CCNB3: variants seen among roughly 807,000 people sequenced by gnomAD.
CCNB3 encodes cyclin B3, also known as G2/mitotic-specific cyclin-B3.
A neutral mutation model predicts 68.0 loss-of-function variants in CCNB3; 12 were observed. That is an observed-to-expected ratio of 0.18 (90% CI 0.11 to 0.29). The LOEUF (loss-of-function observed/expected upper bound fraction) is 0.29, where lower values mean the gene tolerates loss of function less well. Ranked by LOEUF, CCNB3 falls within the 10% of genes least tolerant of loss-of-function variation. CCNB3 has a pLI of 1.00. For missense variants in CCNB3, 904 were observed against 993.1 expected, an observed-to-expected ratio of 0.91 and a Z score of 1.21; for synonymous variants, 354 against 388.9, an observed-to-expected ratio of 0.91 and a Z score of 1.06.
intron 1 of CCNB3, among the ~76,000 whole-genome samples, chrX:50,226,435 A>G (rs1424696470): frequency 1.6e-4 from 10 of 63,435 alleles, no homozygotes; most frequent in African/African-American, 5.8e-4. Flanking sequence ...GAATATATAA[A>G]AATATATATA....
rs1297586005 is a variant in CCNB3 at position 50,351,877 on chromosome X, C to T, written c.*174C>T. ...AAAGAAAAAATATTGTCATATTTGA[C>T]TACAAATTTAATAAAAAATTAATGG... On this transcript the variant is annotated 3_prime_UTR_variant, in exon 13 of 13. Coordinates refer to ENST00000376042, the MANE Select transcript of CCNB3 (RefSeq NM_033031.3). 5.3e-6 allele frequency: 2 copies of T among 379,026 alleles called. No homozygotes were observed. The highest frequency in any genetic ancestry group is 8.9e-6 in the Non-Finnish European group (2 of 224,885). 31.2% of individuals were successfully genotyped at this position (379,026 alleles called of 1,213,427 possible). A position where few individuals can be genotyped will look rare whatever the true frequency, so the allele number is the denominator to read the frequency against.
intron 1 of CCNB3, among the ~76,000 whole-genome samples, chrX:50,228,920 T>A (rs1440469917): frequency 1.9e-5 from 1 of 53,958 alleles, no homozygotes; most frequent in East Asian, 5.3e-4. Context: ...AGAATATATA[T>A]AAATACATAT....
chrX:50,224,738 T>A (rs1935726558), intron 1 of CCNB3, among the ~76,000 whole-genome samples: 1 of 111,563 alleles, frequency 9.0e-6, no homozygotes, highest in Admixed American at 9.6e-5. Context: ...AAGATGCTCA[T>A]TTACTTAGTG....
chrX:50,341,214 C>T (rs982491891), intron 8 of CCNB3, among the ~76,000 whole-genome samples: 13 of 109,222 alleles, frequency 1.2e-4, no homozygotes, highest in East Asian at 2.9e-4. Flanking sequence ...CCTGTAGTCC[C>T]GGCTACCCGG....
In CCNB3 at chrX:50,226,212, T is replaced by TTATATATATAGAATATATATATATA. The variant is rs1935772608; in HGVS notation, c.-113+21284_-113+21285insATATATATATATAGAATATATATAT. 8.8e-4 allele frequency among the ~76,000 whole-genome samples: 54 copies of TTATATATATAGAATATATATATATA among 61,430 alleles called. 2 individuals carry two copies. The highest frequency in any genetic ancestry group is 9.4e-4 in the African/African-American group (11 of 11,739). 53.3% of individuals were successfully genotyped at this position (61,430 alleles called of 115,157 possible). ...ATAAATATATATAGAATATATATAT[T>TTATATATATAGAATATATATATATA]TATATATATAGAATATATATATTTA... On this transcript the variant is annotated intron_variant, in intron 1 of 12. Coordinates refer to ENST00000376042, the MANE Select transcript of CCNB3 (RefSeq NM_033031.3).
At position 50,342,311 on chromosome X, in the gene CCNB3, C is replaced by T; in HGVS notation, c.3626C>T (p.Thr1209Ile). ...GATAAGTTACAACTCCTTGGTGCCA[C>T]TGCCTTTATGATTGCAGCAAAATTT... ...KKDKLQLLGATAFMIAAKFEE... is the reference protein window; with the variant it reads ...KKDKLQLLGAIAFMIAAKFEE... Residue 1209 changes from threonine (T) to isoleucine (I), a missense_variant, in exon 9 of 13, where the codon ACT (threonine) becomes ATT (isoleucine). Physicochemically the swap from Thr to Ile is moderately conservative, Grantham distance 89. Coordinates refer to ENST00000376042, the MANE Select transcript of CCNB3 (RefSeq NM_033031.3). 6.6e-6 allele frequency: 8 copies of T among 1,203,686 alleles called. No homozygotes were observed. Among genetic ancestry groups the T allele is most frequent in the Non-Finnish European group, 9.0e-6 (8 of 891,691 alleles).
intron 8 of CCNB3, among the ~76,000 whole-genome samples, chrX:50,318,568 C>G (rs980753904): frequency 2.7e-5 from 3 of 112,098 alleles, no homozygotes; most frequent in Non-Finnish European, 5.6e-5. Flanking sequence ...ATTCTAGTTC[C>G]TTTGCCTTTC....
At chrX:50,299,464 G>C (rs1440774191) in intron 5 of CCNB3, among the ~76,000 whole-genome samples, 1 of 111,614 alleles carries the variant, frequency 9.0e-6, no homozygotes, top group African/African-American at 3.3e-5. Context: ...TCTTAATCCT[G>C]AGTTCTAGTT....
At chrX:50,339,783 C>A (rs1404869045) in intron 8 of CCNB3, among the ~76,000 whole-genome samples, 2 of 111,292 alleles carry the variant, frequency 1.8e-5, no homozygotes, top group African/African-American at 6.6e-5. Flanking sequence ...ATGGCAAAAG[C>A]AGGGGCAAGG....
intron 5 of CCNB3, among the ~76,000 whole-genome samples, chrX:50,300,530 T>A (rs1346590539): frequency 1.8e-5 from 2 of 111,944 alleles, no homozygotes; most frequent in East Asian, 5.6e-4. Context: ...CTTCCCTTTG[T>A]GGGTAACCCG....
At chrX:50,228,831 T>A (rs1366265019) in intron 1 of CCNB3, among the ~76,000 whole-genome samples, 1 of 63,567 alleles carries the variant, frequency 1.6e-5, no homozygotes, top group Non-Finnish European at 2.7e-5. Flanking sequence ...AGAATATATA[T>A]AGAATACATA....
chrX:50,306,978 A>G (rs1300842411), intron 5 of CCNB3, among the ~76,000 whole-genome samples: 1 of 111,632 alleles, frequency 9.0e-6, no homozygotes, highest in Non-Finnish European at 1.9e-5. Context: ...GACCTCATAT[A>G]ATGAGTTAGA....
chrX:50,328,828 G>C (rs1291471175), intron 8 of CCNB3, among the ~76,000 whole-genome samples: 1 of 112,163 alleles, frequency 8.9e-6, no homozygotes, highest in Non-Finnish European at 1.9e-5. Context: ...ACAGGTATTG[G>C]GTAAATACTC....
At chrX:50,341,355 AT>A (rs1377826186) in intron 8 of CCNB3, among the ~76,000 whole-genome samples, 2 of 107,135 alleles carry the variant, frequency 1.9e-5, no homozygotes, top group African/African-American at 6.7e-5. Context: ...AAATAAATAA[AT>A]AAATAAATAA....
Position 50,330,824 on chromosome X carries a change from A to C in CCNB3, c.3517-11378A>C, listed in dbSNP as rs1262084556. Among the ~76,000 whole-genome samples the C allele has an allele frequency of 3.6e-5, 4 of 111,918 alleles. No individual in the cohort carries two copies. The East Asian group carries it at 8.5e-4, about 24-fold the overall frequency. On this transcript the variant is annotated intron_variant, in intron 8 of 12. Transcript: ENST00000376042. ...CTTGATCATCTATGTGTAGACAGCAATTAGTAAGGTTAAATTTCCTATAGA... is the reference window on the plus strand; with the variant it reads ...CTTGATCATCTATGTGTAGACAGCACTTAGTAAGGTTAAATTTCCTATAGA...
Position 50,310,232 on chromosome X carries a change from C to G in CCNB3, c.2063C>G (p.Ser688Cys). Residue 688 changes from serine to cysteine, a missense_variant, in exon 6 of 13, where the codon TCC becomes TGC. By Grantham distance (112) the Ser-to-Cys change is moderately radical. Coordinates refer to ENST00000376042, the MANE Select transcript of CCNB3 (RefSeq NM_033031.3). The stretch of plus-strand genomic sequence containing the variant: ...GTTAAGCATACCAACAAAAGTGGGT[C>G]CCTCTTCCAGGAGGCTTTGGTCTTG... ...LHVKHTNKSG[S>C]LFQEALVLQE... 8.3e-7 allele frequency: 1 copy of G among 1,209,463 alleles called. No individual in the cohort carries two copies. Among genetic ancestry groups the G allele is most frequent in the Middle Eastern group, 2.3e-4 (1 of 4,350 alleles).
intron 1 of CCNB3, among the ~76,000 whole-genome samples, chrX:50,206,621 T>C (rs190655032): frequency 1.9e-4 from 21 of 108,706 alleles, no homozygotes; most frequent in African/African-American, 6.7e-4. Flanking sequence ...AGTATTACTT[T>C]ATGACAGCTG....
chrX:50,226,547 T>A (rs1328277866), intron 1 of CCNB3, among the ~76,000 whole-genome samples: 1 of 76,826 alleles, frequency 1.3e-5, no homozygotes, highest in East Asian at 3.8e-4. Context: ...TATGAATATA[T>A]ATATAGAATA....
chrX:50,220,174 C>T (rs1020594109), intron 1 of CCNB3, among the ~76,000 whole-genome samples: 1,248 of 111,374 alleles, frequency 0.011, 15 homozygotes, highest in African/African-American at 0.039. Context: ...TGGGCTGAGA[C>T]GATGGGGTTT....
Sources: gnomAD v4.1 joint callset for allele counts (sites outside exome capture counted in the v4.1 genomes callset) on GRCh38, gnomAD v4.1.1 for gene constraint, MANE v1.5 for transcripts, NCBI Gene and HGNC (gene_info 2026-07-23, HGNC 2026-07-21) for gene names.